The following CNGB3 variants were observed in gnomAD, a reference collection of about 807,000 sequenced individuals.
The protein encoded by CNGB3 is cyclic nucleotide gated channel subunit beta 3.
CNGB3 carries 86 observed loss-of-function variants against 92.8 expected under a neutral mutation model. That is an observed-to-expected ratio of 0.93 (90% CI 0.78 to 1.11). The LOEUF (loss-of-function observed/expected upper bound fraction) is 1.11. Among genes scored for constraint, CNGB3 ranks in the 50% least tolerant of loss-of-function variants. The probability of loss-of-function intolerance (pLI) is 0.00; values close to 1 mark genes in which losing one functional copy is unlikely to be tolerated. For synonymous variants in CNGB3, 333 were observed against 332.7 expected (o/e 1.00, Z -0.01); for missense variants, 1,026 against 956.8 (o/e 1.07, Z -0.95).
chr8:86,581,393 G>A (rs1821761717), intron 15 of CNGB3, among the ~76,000 whole-genome samples: 1 of 152,176 alleles, frequency 6.6e-6, no homozygotes, highest in African/African-American at 2.4e-5. Flanking sequence ...ACTTTTGTGG[G>A]ATTTACCACC....
Position 86,668,111 on chromosome 8 carries a change from T to A in CNGB3, c.551A>T (p.Tyr184Phe), listed in dbSNP as rs1370084296. 1 of 1,614,036 alleles carries A rather than the reference T, an allele frequency of 6.2e-7. No individual in the cohort carries two copies. Among genetic ancestry groups the A allele is most frequent in the Admixed American group, 1.7e-5 (1 of 59,992 alleles). The stretch of plus-strand genomic sequence containing the variant: ...GACTTTGAACCACAACAGCCTGTAG[T>A]AATGTTCTGTTGGCTTATCATCGCT... ...KESDDKPTEH[Y>F]YRLLWFKVKK... Residue 184 changes from tyrosine (Y) to phenylalanine (F), a missense_variant, in exon 5 of 18, where the codon TAC becomes TTC. Physicochemically the swap from Tyr to Phe is conservative, Grantham distance 22. Transcript: ENST00000320005.
intron 15 of CNGB3, among the ~76,000 whole-genome samples, chr8:86,600,610 T>G (rs1005691859): frequency 6.6e-6 from 1 of 150,576 alleles, no homozygotes; most frequent in Non-Finnish European, 1.5e-5. Context: ...TTCCTTTTTT[T>G]TTTCTTTTTT....
At chr8:86,662,946 T>G (rs1466980030) in intron 6 of CNGB3, among the ~76,000 whole-genome samples, 4 of 152,180 alleles carry the variant, frequency 2.6e-5, no homozygotes, top group Non-Finnish European at 5.9e-5. Flanking sequence ...TGAAAAAGAT[T>G]GTATTCAATA....
chr8:86,592,347 G>A (rs1007461415), intron 15 of CNGB3, among the ~76,000 whole-genome samples: 6 of 152,122 alleles, frequency 3.9e-5, no homozygotes, highest in East Asian at 3.8e-4. Flanking sequence ...GTTCCTATTC[G>A]GCCATCTTGG....
At chr8:86,683,676 C>T (rs1824126260) in intron 3 of CNGB3, among the ~76,000 whole-genome samples, 2 of 152,112 alleles carry the variant, frequency 1.3e-5, no homozygotes, top group African/African-American at 4.8e-5. Context: ...GCAGGATATT[C>T]ATGTACCATT....
intron 7 of CNGB3, among the ~76,000 whole-genome samples, chr8:86,652,885 A>G (rs1393737295): frequency 6.6e-6 from 1 of 152,172 alleles, no homozygotes; most frequent in Non-Finnish European, 1.5e-5. Context: ...TACATAAGCT[A>G]GTAATATAGT....
At chr8:86,673,663 T>C (rs868540237) in intron 3 of CNGB3, among the ~76,000 whole-genome samples, 11 of 152,208 alleles carry the variant, frequency 7.2e-5, no homozygotes, top group African/African-American at 2.4e-4. Flanking sequence ...ACTGGAGCTT[T>C]TGGATAATTC....
chr8:86,619,465 C>A (rs920249028), intron 13 of CNGB3, among the ~76,000 whole-genome samples: 80 of 152,140 alleles, frequency 5.3e-4, no homozygotes, highest in Non-Finnish European at 8.1e-4. Context: ...TTTGACTATT[C>A]ATCTCTGAGC....
intron 15 of CNGB3, among the ~76,000 whole-genome samples, chr8:86,584,623 G>C (rs1277378500): frequency 1.3e-5 from 2 of 151,648 alleles, no homozygotes; most frequent in African/African-American, 2.4e-5. Flanking sequence ...TTCCACCCAT[G>C]GAAAGTTTCA....
At chr8:86,656,866 A>G (rs930170474) in intron 6 of CNGB3, among the ~76,000 whole-genome samples, 13 of 152,092 alleles carry the variant, frequency 8.5e-5, no homozygotes, top group African/African-American at 2.9e-4. Flanking sequence ...CCCAGTCCCA[A>G]ATAATTACTA....
intron 8 of CNGB3, among the ~76,000 whole-genome samples, chr8:86,647,439 C>T (rs1165435537): frequency 7.3e-5 from 11 of 149,822 alleles, no homozygotes; most frequent in African/African-American, 2.7e-4. Flanking sequence ...ATTTTACATC[C>T]CATACACCAT....
At chr8:86,617,875 A>C in intron 13 of CNGB3, among the ~76,000 whole-genome samples, 1 of 152,094 alleles carries the variant, frequency 6.6e-6, no homozygotes, top group East Asian at 1.9e-4. Context: ...TTTCGGGATG[A>C]TTCAAGCACA....
chr8:86,591,247 T>G (rs894611998), intron 15 of CNGB3, among the ~76,000 whole-genome samples: 4 of 144,290 alleles, frequency 2.8e-5, no homozygotes, highest in African/African-American at 1.0e-4. Flanking sequence ...TCTTCTAAAT[T>G]TTTTTCAAAG....
chr8:86,694,242 C>T (rs1824392892), intron 3 of CNGB3, among the ~76,000 whole-genome samples: 1 of 149,054 alleles, frequency 6.7e-6, no homozygotes, highest in South Asian at 2.1e-4. Context: ...CCCCACCTCC[C>T]TCCTGGATGG....
chr8:86,712,289 C>A (rs1185618887), intron 3 of CNGB3, among the ~76,000 whole-genome samples: 1 of 151,862 alleles, frequency 6.6e-6, no homozygotes, highest in Non-Finnish European at 1.5e-5. Context: ...AATGCAAAGT[C>A]TTTTTTATTT....
chr8:86,691,924 T>C (rs1315919368), intron 3 of CNGB3, among the ~76,000 whole-genome samples: 2 of 152,192 alleles, frequency 1.3e-5, no homozygotes, highest in Non-Finnish European at 2.9e-5. Context: ...ATGGGTTATG[T>C]CACTATTATT....
intron 3 of CNGB3, chr8:86,704,427 T>C (rs1412123675): frequency 6.6e-6 from 1 of 152,198 alleles, no homozygotes; most frequent in Admixed American, 6.5e-5. Context: ...GTGTTTATGA[T>C]GGGAACAGAA....
intron 15 of CNGB3, among the ~76,000 whole-genome samples, chr8:86,587,658 C>A (rs1390918468): frequency 2.0e-5 from 3 of 150,854 alleles, no homozygotes; most frequent in East Asian, 2.0e-4. Flanking sequence ...AGATATGCGG[C>A]GTTATTTCTG....
rs186020634 is a variant in CNGB3, at chr8:86,614,887, A to G, written c.1579-3216T>C. Among the ~76,000 whole-genome samples, 757 of 152,280 alleles carry G rather than the reference A, an allele frequency of 5.0e-3. 5 individuals carry two copies. The highest frequency in any genetic ancestry group is 8.8e-3 in the Non-Finnish European group (599 of 68,004). On this transcript the variant is annotated intron_variant, in intron 13 of 17. Transcript: ENST00000320005. ...GAGTACAGCCACTCTCCCAAGACAG[A>G]ACCCAAGACCAAATGAGAGGAAATC...
Sources: allele counts gnomAD v4.1 joint callset (sites outside exome capture counted in the v4.1 genomes callset), GRCh38; gene constraint gnomAD v4.1.1; transcripts MANE v1.5; gene names NCBI Gene and HGNC (gene_info 2026-07-23, HGNC 2026-07-21).